Variants in NEDD9 observed in about 807,000 individuals in gnomAD.
NEDD9 encodes the protein enhancer of filamentation 1.
In NEDD9, 26 loss-of-function variants were observed where a neutral mutation model predicts 76.6. The ratio of observed to expected loss-of-function variants is 0.34; its 90% CI spans 0.25 to 0.47. The LOEUF (loss-of-function observed/expected upper bound fraction) is 0.47, where lower values mean the gene tolerates loss of function less well. Ranked by LOEUF, NEDD9 falls within the 20% of genes least tolerant of loss-of-function variation. NEDD9 has a pLI of 1.00. For missense variants in NEDD9, 937 were observed against 1,058.5 expected, an observed-to-expected ratio of 0.89 and a Z score of 1.59; for synonymous variants, 392 against 414.2, an observed-to-expected ratio of 0.95 and a Z score of 0.65.
At chr6:11,284,800 AAATAT>A (rs1454175507) in intron 3 of NEDD9, among the ~76,000 whole-genome samples, 8 of 150,102 alleles carry the variant, frequency 5.3e-5, no homozygotes, top group South Asian at 4.2e-4. Flanking sequence ...TTAATATAAT[AAATAT>A]AATATAAAAC....
At chr6:11,313,597 TGGAA>T (rs1204249851) in intron 2 of NEDD9, among the ~76,000 whole-genome samples, 1 of 150,160 alleles carries the variant, frequency 6.7e-6, no homozygotes, top group Non-Finnish European at 1.5e-5. Context: ...GGTGGGTGAA[TGGAA>T]GGATGGATGG....
At chr6:11,369,738 G>A (rs1762829753) in intron 1 of NEDD9, among the ~76,000 whole-genome samples, 1 of 152,138 alleles carries the variant, frequency 6.6e-6, no homozygotes, top group South Asian at 2.1e-4. Context: ...ATGTTCTTTT[G>A]CATTTGTTGC....
intron 3 of NEDD9, among the ~76,000 whole-genome samples, chr6:11,292,674 A>G (rs1052467334): frequency 6.6e-6 from 1 of 152,198 alleles, no homozygotes. Context: ...AATTGGTTTG[A>G]GTCTATAACT....
chr6:11,212,412 T>C (rs1758809878), intron 2 of NEDD9, among the ~76,000 whole-genome samples: 1 of 152,242 alleles, frequency 6.6e-6, no homozygotes, highest in Admixed American at 6.5e-5. Flanking sequence ...ATTCTCTTGG[T>C]TGCTTCTGTC....
At chr6:11,322,317 C>T (rs564746720) in intron 2 of NEDD9, among the ~76,000 whole-genome samples, 1 of 152,058 alleles carries the variant, frequency 6.6e-6, no homozygotes, top group African/African-American at 2.4e-5. Flanking sequence ...ACATTCTGCA[C>T]ATGTATCCCA....
intron 3 of NEDD9, among the ~76,000 whole-genome samples, chr6:11,281,619 G>A (rs183669652): frequency 2.0e-5 from 3 of 152,212 alleles, no homozygotes; most frequent in Non-Finnish European, 4.4e-5. Context: ...TTCCCAAAGT[G>A]CTGGGATTAC....
At chr6:11,192,973 A>G (rs1758197852) in intron 3 of NEDD9, among the ~76,000 whole-genome samples, 2 of 149,664 alleles carry the variant, frequency 1.3e-5, no homozygotes, top group African/African-American at 2.5e-5. Flanking sequence ...CTTATGTGAA[A>G]TATCTACGCT....
At chr6:11,237,552 C>G (rs1168824944), upstream of NEDD9, among the ~76,000 whole-genome samples, 1 of 152,058 alleles carries the variant, frequency 6.6e-6, no homozygotes, top group African/African-American at 2.4e-5. This position sits in a 1 kb window ranked among gnomAD's most constrained non-coding sequence, Gnocchi z 4.9. Context: ...ATAGCTTTTA[C>G]ATTTTTAAGT....
chr6:11,304,744 G>A (rs979009142), intron 3 of NEDD9, among the ~76,000 whole-genome samples: 1 of 152,170 alleles, frequency 6.6e-6, no homozygotes, highest in African/African-American at 2.4e-5. Flanking sequence ...CTCATAGGTG[G>A]GAGTTGAACA....
chr6:11,366,311 G>GGAAGGAAGGAAGGAAGGAA (rs1561849023), intron 1 of NEDD9, among the ~76,000 whole-genome samples: 32 of 143,588 alleles, frequency 2.2e-4, no homozygotes, highest in African/African-American at 8.2e-4. Context: ...AAGAAAGAAA[G>GGAAGGAAGGAAGGAAGGAA]AGAAAGAAAG....
intron 2 of NEDD9, among the ~76,000 whole-genome samples, chr6:11,321,178 A>G (rs1377664226): frequency 8.1e-6 from 1 of 123,328 alleles, no homozygotes; most frequent in Non-Finnish European, 1.6e-5. Flanking sequence ...AGAAGGAAGG[A>G]GGGAGGGAAA....
intron 3 of NEDD9, among the ~76,000 whole-genome samples, chr6:11,250,223 C>A (rs987480366): frequency 2.9e-4 from 44 of 152,196 alleles, no homozygotes; most frequent in African/African-American, 1.0e-3. Flanking sequence ...AGGTCAAAGT[C>A]AGTGTAAAGT....
At chr6:11,297,434 A>G (rs1343196247) in intron 3 of NEDD9, among the ~76,000 whole-genome samples, 1 of 152,160 alleles carries the variant, frequency 6.6e-6, no homozygotes, top group East Asian at 1.9e-4. Flanking sequence ...TTATGAGTTT[A>G]GCACAGGCTT....
At chr6:11,289,596 G>A (rs1325840371) in intron 3 of NEDD9, among the ~76,000 whole-genome samples, 1 of 152,160 alleles carries the variant, frequency 6.6e-6, no homozygotes, top group Non-Finnish European at 1.5e-5. Context: ...GGGACTACAG[G>A]CACCTGCCAC....
intron 1 of NEDD9, chr6:11,214,100 T>C (rs1296237510): frequency 8.7e-6 from 4 of 461,918 alleles, no homozygotes; most frequent in Admixed American, 2.7e-5. Context: ...TCCCGAGATA[T>C]TCAGATGTTC....
At chr6:11,376,085 A>G (rs1334444763) in intron 1 of NEDD9, among the ~76,000 whole-genome samples, 1 of 152,104 alleles carries the variant, frequency 6.6e-6, no homozygotes, top group East Asian at 1.9e-4. Context: ...CGGCCTCCCA[A>G]AGTGCTGGGA....
intron 1 of NEDD9, chr6:11,352,825 G>A (rs550172340): frequency 1.1e-4 from 16 of 152,182 alleles, no homozygotes; most frequent in South Asian, 4.1e-4. Flanking sequence ...TCATGATCTC[G>A]CTTTTCTACT....
At chr6:11,215,356 T>C (rs771254826) in intron 1 of NEDD9, among the ~76,000 whole-genome samples, 12 of 152,084 alleles carry the variant, frequency 7.9e-5, no homozygotes, top group Admixed American at 3.9e-4. Flanking sequence ...GAGGAGTGCA[T>C]ATTTCAGGGG....
At chr6:11,276,574 A>G (rs1364822153) in intron 3 of NEDD9, among the ~76,000 whole-genome samples, 1 of 152,186 alleles carries the variant, frequency 6.6e-6, no homozygotes, top group East Asian at 1.9e-4. Flanking sequence ...CTTTTGGCCC[A>G]CCTGAACCCA....
Sources: gnomAD v4.1 joint callset for allele counts (sites outside exome capture counted in the v4.1 genomes callset) on GRCh38, gnomAD v4.1.1 for gene constraint, Gnocchi (gnomAD v3.1) non-coding constraint, MANE v1.5 for transcripts, NCBI Gene and HGNC (gene_info 2026-07-23, HGNC 2026-07-21) for gene names.